NBAS: variants seen among roughly 807,000 people sequenced by gnomAD.
NBAS encodes the protein NBAS subunit of NRZ tethering complex, also known as NAG/BC035112 fusion.
In NBAS, 219 loss-of-function variants were observed where a neutral mutation model predicts 302.5. The observed-to-expected ratio is 0.72, with a 90% CI of 0.65 to 0.81. The LOEUF (loss-of-function observed/expected upper bound fraction) is 0.81, where lower values mean the gene tolerates loss of function less well. Ranked by LOEUF, NBAS falls within the 30% of genes least tolerant of loss-of-function variation. The probability of loss-of-function intolerance (pLI) is 0.00; values close to 1 mark genes in which losing one functional copy is unlikely to be tolerated. For synonymous variants in NBAS, 1,118 were observed against 1,021.6 expected, an observed-to-expected ratio of 1.09 and a Z score of -1.80; for missense variants, 2,932 against 2,841.6, an observed-to-expected ratio of 1.03 and a Z score of -0.72.
intron 50 of NBAS, among the ~76,000 whole-genome samples, chr2:15,180,959 C>G (rs1305330143): frequency 2.0e-5 from 3 of 152,178 alleles, no homozygotes; most frequent in Non-Finnish European, 4.4e-5. Flanking sequence ...CAAAAGCACC[C>G]TTAAATGTCC....
chr2:15,060,433 A>T, the NBAS span, among the ~76,000 whole-genome samples: 1 of 152,130 alleles, frequency 6.6e-6, no homozygotes, highest in Non-Finnish European at 1.5e-5. Flanking sequence ...CTGCAGGAAG[A>T]TCATATTTTA....
chr2:15,255,937 GT>G (rs1200507701), intron 44 of NBAS, among the ~76,000 whole-genome samples: 2 of 152,134 alleles, frequency 1.3e-5, no homozygotes, highest in African/African-American at 4.8e-5. Flanking sequence ...GTACAGTGCT[GT>G]TTTGGTAACT....
intron 47 of NBAS, among the ~76,000 whole-genome samples, chr2:15,219,930 T>C (rs62121515): frequency 1.7e-3 from 180 of 106,366 alleles, no homozygotes; most frequent in African/African-American, 2.8e-3. Context: ...ACCTCCCGGA[T>C]GGGGCGGCTG....
chr2:14,853,951 T>C, the NBAS span, among the ~76,000 whole-genome samples: 6 of 128,832 alleles, frequency 4.7e-5, no homozygotes, highest in South Asian at 5.6e-4. Flanking sequence ...AGGGATAGCA[T>C]TGGGAGATAT....
intron 26 of NBAS, among the ~76,000 whole-genome samples, chr2:15,398,533 C>T (rs532684383): frequency 6.6e-6 from 1 of 152,124 alleles, no homozygotes; most frequent in Non-Finnish European, 1.5e-5. Context: ...CTGACATTCA[C>T]GAACACAATG....
At chr2:15,397,707 A>G (rs79784867) in intron 26 of NBAS, 4,576 of 431,186 alleles carry the variant, frequency 0.011, 108 homozygotes, top group East Asian at 0.066. Flanking sequence ...CATTGGGCAC[A>G]GTTCATGCAG....
chr2:14,986,150 T>C, the NBAS span, among the ~76,000 whole-genome samples: 4 of 152,048 alleles, frequency 2.6e-5, no homozygotes, highest in Non-Finnish European at 5.9e-5. Flanking sequence ...ATCTTACAAA[T>C]ATCCCAGAGC....
At chr2:14,861,406 T>C in the NBAS span, among the ~76,000 whole-genome samples, 1 of 152,186 alleles carries the variant, frequency 6.6e-6, no homozygotes. Context: ...AGTCTGCATG[T>C]GAATTGAGAG....
the NBAS span, among the ~76,000 whole-genome samples, chr2:15,001,439 G>C: frequency 2.0e-5 from 3 of 151,972 alleles, no homozygotes; most frequent in East Asian, 5.8e-4. Flanking sequence ...AGACTTATTA[G>C]GTGATAAAAA....
chr2:14,837,045 A>C, the NBAS span, among the ~76,000 whole-genome samples: 1 of 151,870 alleles, frequency 6.6e-6, no homozygotes, highest in African/African-American at 2.4e-5. Context: ...TTAAAATATT[A>C]ATAATTTTAT....
chr2:14,854,062 TA>T, the NBAS span, among the ~76,000 whole-genome samples: 1 of 148,256 alleles, frequency 6.7e-6, no homozygotes, highest in Admixed American at 6.7e-5. Context: ...CCCTAAAACT[TA>T]AAGTATAATA....
At chr2:15,419,333 A>ATGTG (rs1268019723) in intron 23 of NBAS, among the ~76,000 whole-genome samples, 2 of 51,494 alleles carry the variant, frequency 3.9e-5, no homozygotes, top group East Asian at 5.0e-4. Flanking sequence ...TCATACATAT[A>ATGTG]TATGTGTGTG....
chr2:15,290,975 T>C (rs1670280040), intron 41 of NBAS, among the ~76,000 whole-genome samples: 1 of 152,198 alleles, frequency 6.6e-6, no homozygotes, highest in Non-Finnish European at 1.5e-5. Context: ...TTTGCCACCT[T>C]CTCAAGGATT....
rs145098234 is a variant in NBAS at position 15,179,000 on chromosome 2, C to T, written c.6828G>A (p.Thr2276=). The change falls in exon 51 of 52, where the codon ACG becomes ACA. Residue 2276 remains threonine (T), a synonymous_variant. Coordinates refer to ENST00000281513, the MANE Select transcript of NBAS (RefSeq NM_015909.4). ...CAACTGGGCATACCGTAGTGACTGC[C>T]GTGATTTGCTCCAGTGCCATCTCGT... is the stretch of plus-strand genomic sequence containing the variant. ...HLHEMALEQI[T]AVTTVNDSNC... 198 of 1,613,748 alleles carry T rather than the reference C, an allele frequency of 1.2e-4. No homozygotes were observed. The highest frequency in any genetic ancestry group is 5.8e-4 in the South Asian group (53 of 91,040).
At chr2:14,796,959 G>A in the NBAS span, among the ~76,000 whole-genome samples, 3 of 150,600 alleles carry the variant, frequency 2.0e-5, no homozygotes, top group Middle Eastern at 3.2e-3. Context: ...GCATGGTGGC[G>A]GGCGCCTGCA....
At chr2:15,291,208 G>T (rs1017014698) in intron 41 of NBAS, among the ~76,000 whole-genome samples, 4 of 152,196 alleles carry the variant, frequency 2.6e-5, no homozygotes, top group Non-Finnish European at 4.4e-5. Flanking sequence ...AAGATGTGAG[G>T]CTTTGGATGG....
At chr2:15,100,538 T>A in the NBAS span, among the ~76,000 whole-genome samples, 1 of 152,194 alleles carries the variant, frequency 6.6e-6, no homozygotes, top group African/African-American at 2.4e-5. Flanking sequence ...ATCATGAACT[T>A]CTCTGGGAAC....
downstream of NBAS, among the ~76,000 whole-genome samples, chr2:15,164,401 T>C (rs923453544): frequency 1.3e-5 from 2 of 152,224 alleles, no homozygotes; most frequent in African/African-American, 2.4e-5. Context: ...TTACCAGCTT[T>C]GTGACATTGA....
At chr2:15,182,945 A>C (rs1317241833) in intron 50 of NBAS, among the ~76,000 whole-genome samples, 3 of 152,158 alleles carry the variant, frequency 2.0e-5, no homozygotes, top group African/African-American at 4.8e-5. Context: ...CGGGAAATGG[A>C]GATGAAGAAA....
Sources: allele counts gnomAD v4.1 joint callset (sites outside exome capture counted in the v4.1 genomes callset), GRCh38; gene constraint gnomAD v4.1.1; transcripts MANE v1.5; gene names NCBI Gene and HGNC (gene_info 2026-07-23, HGNC 2026-07-21).